The following RASGRF1 variants were observed in gnomAD, a reference collection of about 807,000 sequenced individuals.
RASGRF1 encodes ras-specific guanine nucleotide-releasing factor 1.
RASGRF1 carries 40 observed loss-of-function variants against 138.7 expected under a neutral mutation model. That is an observed-to-expected ratio of 0.29 (90% confidence interval 0.22 to 0.38). RASGRF1 has a LOEUF of 0.38. Ranked by LOEUF, RASGRF1 falls within the 10% of genes least tolerant of loss-of-function variation. The pLI is 1.00. For synonymous variants in RASGRF1, 614 were observed against 663.2 expected, an observed-to-expected ratio of 0.93 and a Z score of 1.14; for missense variants, 1,108 against 1,650.4, an observed-to-expected ratio of 0.67 and a Z score of 5.69.
intron 5 of RASGRF1, among the ~76,000 whole-genome samples, chr15:79,045,081 C>T (rs971621893): frequency 6.6e-6 from 1 of 152,238 alleles, no homozygotes; most frequent in Non-Finnish European, 1.5e-5. Flanking sequence ...AACTACACTA[C>T]TGCCTCCTGA....
At chr15:79,007,301 A>T (rs115464687) in intron 13 of RASGRF1, among the ~76,000 whole-genome samples, 155 of 152,296 alleles carry the variant, frequency 1.0e-3, no homozygotes, top group African/African-American at 3.5e-3. Context: ...CTGCTGTACC[A>T]CACAGCGCCC....
rs370176053 is a variant in RASGRF1 at position 79,062,620 on chromosome 15, C to T, written c.383+1800G>A. On this transcript the variant is annotated intron_variant, in intron 2 of 26. Coordinates refer to ENST00000558480, the MANE Select transcript of RASGRF1 (RefSeq NM_001145648.3). ...CGCGATCTTGGCTCACTGCAACTTC[C>T]GCCTCCCTGGTTCAAGCAATTCTCC... 8.7e-4 allele frequency among the ~76,000 whole-genome samples: 132 copies of T among 152,158 alleles called. 4 individuals carry two copies. In the South Asian group the frequency reaches 0.023, roughly 27 times the overall value.
intron 24 of RASGRF1, chr15:78,979,105 T>C (rs1466167760): frequency 1.6e-6 from 2 of 1,289,674 alleles, no homozygotes; most frequent in East Asian, 1.1e-4. Flanking sequence ...AGTTGGTGAA[T>C]GCACGGAGGG....
chr15:78,980,828 G>A, intron 23 of RASGRF1, 129 bp from the exon 24 acceptor site: 1 of 619,670 alleles, frequency 1.6e-6, no homozygotes. Flanking sequence ...GGATCTGGGG[G>A]CCTCCTGTGT....
chr15:79,030,738 A>G (rs755274326), intron 8 of RASGRF1, among the ~76,000 whole-genome samples: 2 of 152,096 alleles, frequency 1.3e-5, no homozygotes, highest in Non-Finnish European at 2.9e-5. Flanking sequence ...CCATCAGAAA[A>G]TCCTGTTGGT....
At chr15:78,977,617 A>T (rs527607337) in intron 24 of RASGRF1, among the ~76,000 whole-genome samples, 233 of 152,242 alleles carry the variant, frequency 1.5e-3, no homozygotes, top group African/African-American at 5.4e-3. Flanking sequence ...ACCCTGATTA[A>T]AGGGTATAGG....
intron 16 of RASGRF1, among the ~76,000 whole-genome samples, chr15:79,000,470 T>A (rs1413676343): frequency 1.3e-5 from 2 of 152,110 alleles, no homozygotes; most frequent in African/African-American, 4.8e-5. Flanking sequence ...TTCAGTAGTC[T>A]CCTTTGAATA....
intron 15 of RASGRF1, among the ~76,000 whole-genome samples, chr15:79,003,012 C>T (rs930266834): frequency 6.6e-6 from 1 of 151,832 alleles, no homozygotes; most frequent in African/African-American, 2.4e-5. Flanking sequence ...CTGTTCGGAT[C>T]TAAATCAGAA....
chr15:79,046,616 G>T lies in RASGRF1; in HGVS notation c.878+130C>A, dbSNP rs934015936. 3 of 1,433,096 alleles carry T rather than the reference G, an allele frequency of 2.1e-6. No homozygotes were observed. The highest frequency in any genetic ancestry group is 2.9e-6 in the Non-Finnish European group (3 of 1,049,838). 88.8% of individuals were successfully genotyped at this position (1,433,096 alleles called of 1,614,324 possible). On this transcript the variant is annotated intron_variant, in intron 5 of 26. Coordinates refer to ENST00000558480, the MANE Select transcript of RASGRF1 (RefSeq NM_001145648.3). This position sits in a 1 kb window ranked among gnomAD's most constrained non-coding sequence, Gnocchi z 5.3. ...TGGTGGTTTCTAGCCACGTGATCTTGGGCACTTCTGTCCTCTCTGGGCCTC... is the reference window on the plus strand; with the variant it reads ...TGGTGGTTTCTAGCCACGTGATCTTTGGCACTTCTGTCCTCTCTGGGCCTC...
intron 23 of RASGRF1, chr15:78,980,927 A>G (rs2056013143): frequency 2.6e-6 from 1 of 389,632 alleles, no homozygotes; most frequent in Non-Finnish European, 4.6e-6. Context: ...GAAGCAAGGA[A>G]GTGGGTGTGA....
rs114292987 is a variant in RASGRF1, at chr15:79,021,164, G to C, written c.1543-1060C>G. On this transcript the variant is annotated intron_variant, in intron 10 of 26. Coordinates refer to ENST00000558480, the MANE Select transcript of RASGRF1 (RefSeq NM_001145648.3). The stretch of plus-strand genomic sequence containing the variant: ...AATGCCCTGAGCCAAGACCACCCAG[G>C]TAAGTAGCTCCTGATTTCCTGACCC... Among the ~76,000 whole-genome samples the C allele has an allele frequency of 2.4e-3, 366 of 152,326 alleles. 2 individuals are homozygous for C. Among genetic ancestry groups the C allele is most frequent in the African/African-American group, 8.5e-3 (352 of 41,560 alleles).
intron 6 of RASGRF1, among the ~76,000 whole-genome samples, chr15:79,033,581 C>CT (rs71148586): frequency 0.85 from 79,626 of 94,172 alleles, 33,983 homozygotes; most frequent in Middle Eastern, 0.94. Context: ...TTTTTCTTTT[C>CT]TTTTTTTTTT....
rs200292424 is a variant in RASGRF1 at position 79,058,358 on chromosome 15, G to A, written c.507C>T (p.Ile169=). The change falls in exon 3 of 27, where the codon ATC becomes ATT. Residue 169 remains isoleucine, a synonymous_variant. Transcript: ENST00000558480. ...CCTCTGCCTTCAGCCGCTCGATCTCGATCTCCCCATCCTCGATCTGCTGCC... is the reference window on the plus strand; with the variant it reads ...CCTCTGCCTTCAGCCGCTCGATCTCAATCTCCCCATCCTCGATCTGCTGCC... ...QLRQQIEDGE[I]EIERLKAEIT... is the part of the protein sequence containing the mutation. 3.1e-6 allele frequency: 5 copies of A among 1,613,884 alleles called. No individual in the cohort carries two copies. The highest frequency in any genetic ancestry group is 1.1e-5 in the South Asian group (1 of 91,082).
intron 24 of RASGRF1, chr15:78,979,341 G>A: frequency 9.8e-6 from 5 of 507,718 alleles, no homozygotes; most frequent in Non-Finnish European, 1.2e-5. Flanking sequence ...GTCTGTCAAA[G>A]CCACTGTCAA....
chr15:79,000,017 G>A, intron 16 of RASGRF1, 104 bp from the exon 17 acceptor site: 2 of 1,261,034 alleles, frequency 1.6e-6, no homozygotes, highest in Non-Finnish European at 2.3e-6. Flanking sequence ...AGAGCCAGCA[G>A]GCTGTGTCTT....
intron 13 of RASGRF1, among the ~76,000 whole-genome samples, chr15:79,009,756 G>T (rs1299311288): frequency 6.7e-6 from 1 of 150,336 alleles, no homozygotes; most frequent in Admixed American, 6.6e-5. Context: ...ATGGACTCCC[G>T]CTCTGTTGCC....
At position 79,053,815 on chromosome 15, in the gene RASGRF1, C is replaced by T. The variant is rs111580901; in HGVS notation, c.532-4227G>A. On this transcript the variant is annotated intron_variant, in intron 3 of 26. Coordinates refer to ENST00000558480, the MANE Select transcript of RASGRF1 (RefSeq NM_001145648.3). ...GCACAGAGCCCCAGGCTTACAAGGG[C>T]CCAATGGTTGGTTTAAGCTTCTGCA... 3.8e-3 allele frequency among the ~76,000 whole-genome samples: 585 copies of T among 152,316 alleles called. 2 individuals are homozygous for T. The highest frequency in any genetic ancestry group is 0.024 in the Middle Eastern group (7 of 294).
At chr15:78,966,393 C>T (rs1244972235) in intron 26 of RASGRF1, among the ~76,000 whole-genome samples, 8 of 151,732 alleles carry the variant, frequency 5.3e-5, no homozygotes, top group Admixed American at 1.3e-4. Context: ...TGAGCCACTA[C>T]GCCTGGCTAA....
At chr15:79,017,993 C>T (rs748343691) in intron 11 of RASGRF1, 87 bp from the exon 12 acceptor site, 4 of 1,509,794 alleles carry the variant, frequency 2.6e-6, no homozygotes, top group Admixed American at 2.1e-5. Context: ...GTCGTACGTA[C>T]CAGTGGAGGC....
Sources: gnomAD v4.1 joint callset for allele counts (sites outside exome capture counted in the v4.1 genomes callset) on GRCh38, gnomAD v4.1.1 for gene constraint, Gnocchi (gnomAD v3.1) non-coding constraint, MANE v1.5 for transcripts, NCBI Gene and HGNC (gene_info 2026-07-23, HGNC 2026-07-21) for gene names.